Variants in CCDC73 observed in about 807,000 individuals in gnomAD.
CCDC73 encodes coiled-coil domain-containing protein 73.
In CCDC73, 95 loss-of-function variants were observed where a neutral mutation model predicts 116.5. The observed-to-expected ratio is 0.82, with a 90% CI of 0.69 to 0.97. The LOEUF (loss-of-function observed/expected upper bound fraction) is 0.97, where lower values mean the gene tolerates loss of function less well. Ranked by LOEUF, CCDC73 falls within the 50% of genes least tolerant of loss-of-function variation. CCDC73 has a pLI of 0.00. For synonymous variants in CCDC73, 398 were observed against 401.3 expected, an observed-to-expected ratio of 0.99 and a Z score of 0.10; for missense variants, 1,066 against 1,206.8, an observed-to-expected ratio of 0.88 and a Z score of 1.73.
At chr11:32,658,805 A>C (rs1205015942) in intron 9 of CCDC73, among the ~76,000 whole-genome samples, 1 of 152,168 alleles carries the variant, frequency 6.6e-6, no homozygotes, top group Non-Finnish European at 1.5e-5. Context: ...GACTGAACAA[A>C]GAGAATAAAG....
At chr11:32,712,819 T>G (rs1355751340) in intron 3 of CCDC73, among the ~76,000 whole-genome samples, 4 of 151,924 alleles carry the variant, frequency 2.6e-5, no homozygotes, top group Non-Finnish European at 1.5e-5. Context: ...TATAAATGCT[T>G]GAATAGAAAC....
the CCDC73 span, among the ~76,000 whole-genome samples, chr11:32,804,110 TA>T: frequency 6.6e-6 from 1 of 151,714 alleles, no homozygotes; most frequent in East Asian, 1.9e-4. Context: ...ACACCCAACC[TA>T]AACCTGGTAT....
chr11:32,614,120 A>T lies in CCDC73; in HGVS notation c.2198T>A (p.Met733Lys). Residue 733 changes from methionine (M) to lysine (K), a missense_variant, in exon 16 of 18, where the codon ATG becomes AAG. Physicochemically the swap from Met to Lys is moderately conservative, Grantham distance 95. Coordinates refer to ENST00000335185, the MANE Select transcript of CCDC73 (RefSeq NM_001008391.4). ...LKNSDKNVHS[M>K]SMLVKPNSSP... ...TGAGTTAGGTTTCACCAACATAGAC[A>T]TACTATGGACATTTTTATCTGAGTT... 1 of 1,613,710 alleles carries T rather than the reference A, an allele frequency of 6.2e-7. No homozygotes were observed. Among genetic ancestry groups the T allele is most frequent in the Non-Finnish European group, 8.5e-7 (1 of 1,179,834 alleles).
intron 9 of CCDC73, among the ~76,000 whole-genome samples, chr11:32,662,283 T>C (rs1855936447): frequency 6.6e-6 from 1 of 152,242 alleles, no homozygotes; most frequent in African/African-American, 2.4e-5. Flanking sequence ...ATGGTTGAAC[T>C]AGTTTACAGT....
intron 9 of CCDC73, among the ~76,000 whole-genome samples, chr11:32,665,493 T>G (rs145964788): frequency 0.032 from 4,878 of 152,318 alleles, 115 homozygotes; most frequent in Non-Finnish European, 0.052. Flanking sequence ...CTGTCTTTTT[T>G]TGTTTTCCAT....
intron 1 of CCDC73, among the ~76,000 whole-genome samples, chr11:32,764,390 G>GC (rs1166670006): frequency 1.3e-5 from 2 of 152,146 alleles, no homozygotes; most frequent in Non-Finnish European, 2.9e-5. Flanking sequence ...ACAAAGGGAA[G>GC]CCCATCAGAC....
At chr11:32,629,729 A>G (rs1418270924) in intron 14 of CCDC73, among the ~76,000 whole-genome samples, 1 of 151,144 alleles carries the variant, frequency 6.6e-6, no homozygotes, top group Admixed American at 6.6e-5. Context: ...GGTTATAAAT[A>G]TAAGAATTGT....
At chr11:32,652,779 G>A (rs971518390) in intron 12 of CCDC73, among the ~76,000 whole-genome samples, 1 of 151,990 alleles carries the variant, frequency 6.6e-6, no homozygotes, top group Non-Finnish European at 1.5e-5. Flanking sequence ...CTTAAACTGA[G>A]TTGACACTTT....
At chr11:32,636,861 G>C (rs561720681) in intron 13 of CCDC73, among the ~76,000 whole-genome samples, 176 of 151,820 alleles carry the variant, frequency 1.2e-3, no homozygotes, top group African/African-American at 4.1e-3. Context: ...ATCTTCCTAA[G>C]TCCTAATTCT....
chr11:32,614,612 A>G lies in CCDC73; in HGVS notation c.1706T>C (p.Val569Ala). The G allele has an allele frequency of 1.2e-6, 2 of 1,611,908 alleles. No individual in the cohort carries two copies. Among genetic ancestry groups the G allele is most frequent in the Non-Finnish European group, 1.7e-6 (2 of 1,178,668 alleles). ...DVHHTDVNLE[V>A]ENNKTSFNSI... ...GTTAAATGATGTTTTGTTATTTTCA[A>G]CCTCCAGATTTACATCTGTATGGTG... The change falls in exon 16 of 18, where the codon GTT becomes GCT. Residue 569 changes from valine to alanine, a missense_variant. Coordinates refer to ENST00000335185, the MANE Select transcript of CCDC73 (RefSeq NM_001008391.4).
chr11:32,675,611 G>T lies in CCDC73; in HGVS notation c.599C>A (p.Ser200Ter). The T allele has an allele frequency of 6.3e-7, 1 of 1,592,156 alleles. No homozygotes were observed. The highest frequency in any genetic ancestry group is 8.5e-7 in the Non-Finnish European group (1 of 1,173,352). The change falls in exon 9 of 18, where the codon TCA becomes TAA. Residue 200 changes from serine to a stop codon, truncating the protein, a stop_gained. Coordinates refer to ENST00000335185, the MANE Select transcript of CCDC73 (RefSeq NM_001008391.4). LOFTEE classifies it high-confidence loss of function. The part of the protein sequence containing the change: ...REAIQSNKRL[S>*]ALNKKQEAEI... ...AGCTTCTTGTTTTTTATTTAAAGCTGAAAGTCTTTTGTTTGATTGTATTGC... is the reference window on the plus strand; with the variant it reads ...AGCTTCTTGTTTTTTATTTAAAGCTTAAAGTCTTTTGTTTGATTGTATTGC...
chr11:32,668,788 C>T (rs1856010704), intron 9 of CCDC73, among the ~76,000 whole-genome samples: 1 of 152,068 alleles, frequency 6.6e-6, no homozygotes, highest in South Asian at 2.1e-4. Flanking sequence ...GTTTTATTAC[C>T]AATACTGCCA....
At chr11:32,767,325 A>G (rs931917803) in intron 1 of CCDC73, among the ~76,000 whole-genome samples, 3 of 152,232 alleles carry the variant, frequency 2.0e-5, no homozygotes, top group Admixed American at 2.0e-4. Flanking sequence ...TTAATTCAAG[A>G]TGGATTAAAG....
chr11:32,680,221 A>G (rs1486162043), intron 7 of CCDC73: 1 of 152,242 alleles, frequency 6.6e-6, no homozygotes, highest in Non-Finnish European at 1.5e-5. Flanking sequence ...GTAAGTGGTA[A>G]TAACACTTTA....
rs1005315414 is a variant in CCDC73 at position 32,685,328 on chromosome 11, A to G, written c.391-1754T>C. On this transcript the variant is annotated intron_variant, in intron 6 of 17. Transcript: ENST00000335185. ...AATTCTGGGCAAGAAAATCAGCAAT[A>G]TAAGTTAAAATATATAGTATATTAG... Among the ~76,000 whole-genome samples the G allele has an allele frequency of 4.6e-5, 7 of 151,688 alleles. No homozygotes were observed. The South Asian group carries it at 6.2e-4, about 13-fold the overall frequency.
At chr11:32,710,648 A>G (rs1438050418) in intron 3 of CCDC73, among the ~76,000 whole-genome samples, 4 of 152,200 alleles carry the variant, frequency 2.6e-5, no homozygotes, top group Non-Finnish European at 4.4e-5. Flanking sequence ...GATTAACAGA[A>G]TGCATATTCT....
chr11:32,770,022 T>C (rs183435727), intron 1 of CCDC73, among the ~76,000 whole-genome samples: 10 of 152,352 alleles, frequency 6.6e-5, no homozygotes, highest in Admixed American at 2.0e-4. Context: ...CACCCAAAAC[T>C]TAATGGCTTA....
intron 17 of CCDC73, among the ~76,000 whole-genome samples, chr11:32,610,165 T>C (rs1808099501): frequency 6.6e-6 from 1 of 151,970 alleles, no homozygotes; most frequent in African/African-American, 2.4e-5. Context: ...TTTAAAACCA[T>C]CAGATCTTGT....
chr11:32,659,709 A>G (rs1855905019), intron 9 of CCDC73, among the ~76,000 whole-genome samples: 1 of 152,176 alleles, frequency 6.6e-6, no homozygotes, highest in Admixed American at 6.5e-5. Context: ...TAACTAAACC[A>G]CAAAATAATC....
Sources: gnomAD v4.1 joint callset for allele counts (sites outside exome capture counted in the v4.1 genomes callset) on GRCh38, gnomAD v4.1.1 for gene constraint, MANE v1.5 for transcripts, NCBI Gene and HGNC (gene_info 2026-07-23, HGNC 2026-07-21) for gene names.